The following SPIDR variants were observed in gnomAD, a reference collection of about 807,000 sequenced individuals.
The protein encoded by SPIDR is DNA repair-scaffolding protein.
A neutral mutation model predicts 104.6 loss-of-function variants in SPIDR; 93 were observed. The ratio of observed to expected loss-of-function variants is 0.89; its 90% CI spans 0.75 to 1.06. SPIDR has a LOEUF of 1.06. SPIDR is among the 50% of genes least tolerant of loss of function. SPIDR has a pLI of 0.00. For missense variants in SPIDR, 1,154 were observed against 1,111.2 expected (o/e 1.04, Z -0.55); for synonymous variants, 431 against 416.9 (o/e 1.03, Z -0.41).
intron 5 of SPIDR, among the ~76,000 whole-genome samples, chr8:47,335,276 T>A (rs2049475235): frequency 6.6e-6 from 1 of 152,220 alleles, no homozygotes; most frequent in Non-Finnish European, 1.5e-5. Context: ...AGAACTTCTT[T>A]TAATACTTCT....
At chr8:47,527,120 T>C (rs1182032717) in intron 8 of SPIDR, among the ~76,000 whole-genome samples, 1 of 152,118 alleles carries the variant, frequency 6.6e-6, no homozygotes, top group Non-Finnish European at 1.5e-5. Context: ...AGGTTCTCAC[T>C]GTGAAGATCA....
chr8:47,530,884 A>G (rs2085872350), intron 8 of SPIDR, among the ~76,000 whole-genome samples: 2 of 151,860 alleles, frequency 1.3e-5, no homozygotes, highest in East Asian at 1.9e-4. Context: ...TTATATCCCT[A>G]TTCTAAAATT....
intron 5 of SPIDR, among the ~76,000 whole-genome samples, chr8:47,345,379 T>C (rs1437962801): frequency 6.6e-6 from 1 of 152,202 alleles, no homozygotes; most frequent in Non-Finnish European, 1.5e-5. Flanking sequence ...TGTAGTATAG[T>C]TTGAAGTCAG....
chr8:47,554,552 T>A (rs183246934), intron 8 of SPIDR, among the ~76,000 whole-genome samples: 9 of 152,220 alleles, frequency 5.9e-5, no homozygotes, highest in South Asian at 4.1e-4. Context: ...CTCTGAGCCA[T>A]GCGCGGGATA....
chr8:47,595,896 G>GA lies in SPIDR; in HGVS notation c.1189dup (p.Thr397AsnfsTer3). On this transcript the variant is annotated frameshift_variant, in exon 9 of 20. Transcript: ENST00000297423. LOFTEE classifies it high-confidence loss of function. Reference sequence around the variant, plus strand: ...GAAAGTTGTTGCCAAAGAAGATTCAGAAAAAACTTGTGAAGTGTACTGTCC... The same window carrying GA: ...GAAAGTTGTTGCCAAAGAAGATTCAGAAAAAAACTTGTGAAGTGTACTGTCC... 6.2e-7 allele frequency: 1 copy of GA among 1,614,172 alleles called. No homozygotes were observed. The highest frequency in any genetic ancestry group is 8.5e-7 in the Non-Finnish European group (1 of 1,180,010).
chr8:47,712,760 A>G lies in SPIDR; in HGVS notation c.2076A>G (p.Lys692=), dbSNP rs767777224. 4.3e-6 allele frequency: 7 copies of G among 1,614,114 alleles called. No individual in the cohort carries two copies. The East Asian group carries it at 6.7e-5, about 15-fold the overall frequency. ...AGGAGAGAGACCCCAGGCTCCCCAA[A>G]ACCCTGCTGGTCTATGTGGCCCCCT... ...TKEERDPRLP[K]TLLVYVAPLC... is the part of the protein sequence containing the mutation. The change falls in exon 15 of 20, where the codon AAA becomes AAG. Residue 692 remains lysine (K), a synonymous_variant. Coordinates refer to ENST00000297423, the MANE Select transcript of SPIDR (RefSeq NM_001080394.4).
intron 5 of SPIDR, among the ~76,000 whole-genome samples, chr8:47,371,657 G>T (rs781810888): frequency 2.0e-5 from 3 of 152,136 alleles, no homozygotes; most frequent in Admixed American, 6.5e-5. Flanking sequence ...ATCTTGGGGG[G>T]AGACACATTC....
Position 47,713,842 on chromosome 8 carries a change from C to T in SPIDR, c.2341+201C>T, listed in dbSNP as rs560445833. On this transcript the variant is annotated intron_variant, in intron 16 of 19. Transcript: ENST00000297423. ...AAGATGTGAATCAGACGAACACAGA[C>T]AGGCCTATCCTCAGGCTCTGAGTGC... 3.3e-5 allele frequency among the ~76,000 whole-genome samples: 5 copies of T among 152,310 alleles called. No individual in the cohort carries two copies. In the East Asian group the frequency reaches 9.6e-4, roughly 29 times the overall value.
intron 5 of SPIDR, among the ~76,000 whole-genome samples, chr8:47,298,285 G>A (rs1166318240): frequency 4.6e-5 from 7 of 152,210 alleles, no homozygotes; most frequent in East Asian, 1.9e-4. Flanking sequence ...CATATCCTTT[G>A]CCCACTTTTT....
chr8:47,732,313 G>A (rs1267255332), intron 19 of SPIDR: 3 of 656,446 alleles, frequency 4.6e-6, no homozygotes, highest in Non-Finnish European at 8.3e-6. Context: ...CATTTATGCA[G>A]TATGTGTGCA....
intron 11 of SPIDR, among the ~76,000 whole-genome samples, chr8:47,695,571 AGTTGGATGAGACAGTATCAGAT>A (rs1457126673): frequency 1.3e-5 from 2 of 152,208 alleles, no homozygotes; most frequent in African/African-American, 4.8e-5. Flanking sequence ...TTTGAGAGTT[AGTTGGATGAGACAGTATCAGAT>A]GGAAAAAATA....
chr8:47,581,404 C>G (rs905232674), intron 8 of SPIDR, among the ~76,000 whole-genome samples: 8 of 152,262 alleles, frequency 5.3e-5, no homozygotes, highest in African/African-American at 1.9e-4. Context: ...TAAACGAGGG[C>G]TTTCTTTGAT....
chr8:47,355,955 A>G (rs1258821556), intron 5 of SPIDR, among the ~76,000 whole-genome samples: 1 of 152,220 alleles, frequency 6.6e-6, no homozygotes. Flanking sequence ...AATAGTGCCA[A>G]GAGCCTTGGC....
intron 5 of SPIDR, among the ~76,000 whole-genome samples, chr8:47,305,497 A>T (rs1249172238): frequency 6.6e-6 from 1 of 152,218 alleles, no homozygotes; most frequent in Non-Finnish European, 1.5e-5. Context: ...AAAATGATTC[A>T]GTAACTCATA....
chr8:47,683,181 C>G (rs1165254205), intron 11 of SPIDR, among the ~76,000 whole-genome samples: 1 of 152,224 alleles, frequency 6.6e-6, no homozygotes, highest in East Asian at 1.9e-4. Flanking sequence ...ACTATATTTA[C>G]CACTACTCAA....
intron 5 of SPIDR, among the ~76,000 whole-genome samples, chr8:47,350,577 G>A (rs2053301453): frequency 6.6e-6 from 1 of 151,706 alleles, no homozygotes; most frequent in African/African-American, 2.4e-5. Context: ...GCCTCCCAAA[G>A]TGCTGGGGTT....
intron 8 of SPIDR, among the ~76,000 whole-genome samples, chr8:47,564,329 AGC>A (rs1400024987): frequency 6.6e-6 from 1 of 151,986 alleles, no homozygotes; most frequent in African/African-American, 2.4e-5. Context: ...TGCCCGGCTC[AGC>A]CTCCCAAAGT....
intron 7 of SPIDR, among the ~76,000 whole-genome samples, chr8:47,418,346 G>T (rs1327990593): frequency 2.0e-5 from 3 of 152,118 alleles, no homozygotes; most frequent in African/African-American, 7.2e-5. Context: ...CCCATCCCTT[G>T]TAAGTTGGAT....
In SPIDR at chr8:47,694,759, A is replaced by G. The variant is rs7009817; in HGVS notation, c.1686-5644A>G. Among the ~76,000 whole-genome samples, 1,516 of 152,078 alleles carry G rather than the reference A, an allele frequency of 1.0e-2. 27 individuals carry two copies. The highest frequency in any genetic ancestry group is 0.034 in the African/African-American group (1,402 of 41,478). On this transcript the variant is annotated intron_variant, in intron 11 of 19. Coordinates refer to ENST00000297423, the MANE Select transcript of SPIDR (RefSeq NM_001080394.4). ...GCAAGACTCTATCTCCAAAAAATAT[A>G]TATATTTGGGGTGTGTGTATGTGTG...
Sources: allele counts gnomAD v4.1 joint callset (sites outside exome capture counted in the v4.1 genomes callset), GRCh38; gene constraint gnomAD v4.1.1; transcripts MANE v1.5; gene names NCBI Gene and HGNC (gene_info 2026-07-23, HGNC 2026-07-21).